FANCI: variants seen among roughly 807,000 people sequenced by gnomAD.
The protein encoded by FANCI is FA complementation group I, also known as Fanconi anemia group I protein.
FANCI carries 156 observed loss-of-function variants against 176.1 expected under a neutral mutation model. The observed-to-expected ratio is 0.89, with a 90% confidence interval of 0.78 to 1.01. FANCI has a LOEUF of 1.01. FANCI is among the 50% of genes least tolerant of loss of function. The pLI is 0.00. For synonymous variants in FANCI, 613 were observed against 541.7 expected (o/e 1.13, Z -1.83); for missense variants, 1,678 against 1,534.1 (o/e 1.09, Z -1.57).
In FANCI at chr15:89,303,916, G is replaced by C; in HGVS notation, c.3058+1G>C. ...AAGATTTGCAAGGAAAACAGCCGGG[G>C]TAAGTTTACTGCCATGTTTTCCTAA... On this transcript the variant is annotated splice_donor_variant, in intron 28 of 37. Coordinates refer to ENST00000310775, the MANE Select transcript of FANCI (RefSeq NM_001113378.2). LOFTEE classifies it high-confidence loss of function. 7 of 1,613,828 alleles carry C rather than the reference G, an allele frequency of 4.3e-6. No individual in the cohort carries two copies. The highest frequency in any genetic ancestry group is 5.9e-6 in the Non-Finnish European group (7 of 1,179,738).
In FANCI at chr15:89,316,726, G is replaced by A; in HGVS notation, c.*267G>A. 1.9e-6 allele frequency: 3 copies of A among 1,587,114 alleles called. No individual in the cohort carries two copies. The highest frequency in any genetic ancestry group is 2.2e-5 in the South Asian group (2 of 90,578). On this transcript the variant is annotated 3_prime_UTR_variant, in exon 38 of 38. Transcript: ENST00000310775. ...ACCACCCCGATGAAGCTCCACGGGA[G>A]CAAATACAGAGCCTCCAGGCAGTGC...
chr15:89,254,330 C>G (rs539020731), intron 2 of FANCI, among the ~76,000 whole-genome samples: 3 of 152,044 alleles, frequency 2.0e-5, no homozygotes, highest in African/African-American at 7.2e-5. Context: ...TAAGTTTATG[C>G]GTGGGCAGGA....
chr15:89,273,309 TTAAAAAA>T, intron 10 of FANCI, 61 bp from the exon 11 acceptor site: 1 of 752,804 alleles, frequency 1.3e-6, no homozygotes, highest in Non-Finnish European at 2.2e-6. Flanking sequence ...CTTTTTTTTT[TTAAAAAA>T]AAAAAAAAAA....
chr15:89,274,823 TTGAA>T (rs2053346410), intron 12 of FANCI, among the ~76,000 whole-genome samples: 3 of 151,998 alleles, frequency 2.0e-5, no homozygotes, highest in Non-Finnish European at 4.4e-5. Context: ...CAGGCTGGTC[TTGAA>T]CTTCTGAGCT....
At chr15:89,290,682 A>G (rs966614756) in intron 19 of FANCI, 1 of 182,370 alleles carries the variant, frequency 5.5e-6, no homozygotes, top group South Asian at 1.1e-4. Flanking sequence ...TCCTTTCTGC[A>G]CTTTTCAGTT....
chr15:89,256,985 C>G (rs1201759086), intron 2 of FANCI, among the ~76,000 whole-genome samples: 1 of 152,210 alleles, frequency 6.6e-6, no homozygotes, highest in African/African-American at 2.4e-5. Context: ...CGGCTCACTG[C>G]AAGCTCCGCT....
At chr15:89,302,861 C>G (rs562910717) in intron 27 of FANCI, among the ~76,000 whole-genome samples, 24 of 152,246 alleles carry the variant, frequency 1.6e-4, no homozygotes, top group African/African-American at 5.5e-4. Context: ...GTGTGAGCCA[C>G]CGCGCCTGGC....
At chr15:89,294,759 A>G (rs892683299) in intron 23 of FANCI, among the ~76,000 whole-genome samples, 156 bp from the exon 24 acceptor site, 6 of 152,244 alleles carry the variant, frequency 3.9e-5, no homozygotes, top group Non-Finnish European at 8.8e-5. Flanking sequence ...AGCAGTGACT[A>G]TAGCTTGGGC....
chr15:89,265,998 C>CT (rs34447883), intron 9 of FANCI, among the ~76,000 whole-genome samples: 40,319 of 132,006 alleles, frequency 0.31, 7,066 homozygotes, highest in Non-Finnish European at 0.4. Flanking sequence ...TTTCTTATTT[C>CT]TTTTTTTTTT....
At chr15:89,277,524 A>G (rs992841155) in intron 13 of FANCI, among the ~76,000 whole-genome samples, 2 of 150,772 alleles carry the variant, frequency 1.3e-5, no homozygotes, top group Non-Finnish European at 2.9e-5. Context: ...ACTGAGGTGG[A>G]TCACTTGAGC....
chr15:89,280,889 T>C (rs2053588305), intron 14 of FANCI, among the ~76,000 whole-genome samples: 1 of 152,240 alleles, frequency 6.6e-6, no homozygotes, highest in Non-Finnish European at 1.5e-5. Flanking sequence ...AGTAAGAAGA[T>C]GTGTGCTACT....
chr15:89,307,413 C>G, intron 32 of FANCI, 63 bp from the exon 33 acceptor site: 1 of 1,497,498 alleles, frequency 6.7e-7, no homozygotes, highest in East Asian at 2.3e-5. Context: ...CATAGGCTCA[C>G]TGCAGCAGTC....
At chr15:89,296,775 C>A (rs1285104309) in intron 24 of FANCI, among the ~76,000 whole-genome samples, 1 of 151,780 alleles carries the variant, frequency 6.6e-6, no homozygotes, top group Admixed American at 6.5e-5. Flanking sequence ...GGGCCCCTCA[C>A]CTCCCAGACG....
intron 2 of FANCI, among the ~76,000 whole-genome samples, chr15:89,248,441 T>C (rs1270978935): frequency 6.6e-6 from 1 of 152,138 alleles, no homozygotes; most frequent in African/African-American, 2.4e-5. Flanking sequence ...TTTGTGTTAA[T>C]GTTGTAGTTA....
intron 9 of FANCI, among the ~76,000 whole-genome samples, chr15:89,266,950 G>A (rs777386620): frequency 4.6e-5 from 7 of 151,980 alleles, no homozygotes; most frequent in Non-Finnish European, 8.8e-5. Flanking sequence ...AGTAGGGAGA[G>A]GGCTGAACTG....
rs202231175 is a variant in FANCI at position 89,312,894 on chromosome 15, A to C, written c.3652-10A>C. On this transcript the variant is annotated splice_polypyrimidine_tract_variant and intron_variant, in intron 34 of 37. Transcript: ENST00000310775. ...ATCAGGAATAAGAGAATGTGTTTCT[A>C]TTTCTTTAGAATAAGAGTAAGAGCC... The C allele has an allele frequency of 2.5e-6, 4 of 1,608,460 alleles. No individual in the cohort carries two copies. Among genetic ancestry groups the C allele is most frequent in the South Asian group, 2.2e-5 (2 of 90,928 alleles).
At chr15:89,288,907 C>T (rs530211773) in intron 18 of FANCI, among the ~76,000 whole-genome samples, 80 of 151,968 alleles carry the variant, frequency 5.3e-4, no homozygotes, top group Admixed American at 3.1e-3. Context: ...TTCCAAAGTG[C>T]TGGGATTAAA....
At chr15:89,277,379 G>T (rs1393164076) in intron 13 of FANCI, among the ~76,000 whole-genome samples, 5 of 152,072 alleles carry the variant, frequency 3.3e-5, no homozygotes, top group Non-Finnish European at 5.9e-5. Flanking sequence ...ACTTTGGGAG[G>T]CTGAGGTGGG....
chr15:89,271,116 A>G (rs939059458), intron 10 of FANCI, among the ~76,000 whole-genome samples: 7 of 151,942 alleles, frequency 4.6e-5, no homozygotes, highest in Admixed American at 2.0e-4. Context: ...TTTTACTAGT[A>G]TCTTTTCTAG....
Sources: gnomAD v4.1 joint callset for allele counts (sites outside exome capture counted in the v4.1 genomes callset) on GRCh38, gnomAD v4.1.1 for gene constraint, MANE v1.5 for transcripts, NCBI Gene and HGNC (gene_info 2026-07-23, HGNC 2026-07-21) for gene names.